ASPRV1: variants seen among roughly 807,000 people sequenced by gnomAD.
ASPRV1 encodes aspartic peptidase retroviral like 1.
A neutral mutation model predicts 11.0 loss-of-function variants in ASPRV1; 7 were observed. The ratio of observed to expected loss-of-function variants is 0.64; its 90% CI spans 0.36 to 1.20. The LOEUF is 1.20. Ranked by LOEUF, ASPRV1 falls within the 50% of genes most tolerant of loss-of-function variation. ASPRV1 has a pLI of 0.02. For missense variants in ASPRV1, 299 were observed against 320.0 expected (o/e 0.93, Z 0.50); for synonymous variants, 136 against 138.4 (o/e 0.98, Z 0.12).
At chr2:70,057,780 G>C in the ASPRV1 span, among the ~76,000 whole-genome samples, 1 of 151,352 alleles carries the variant, frequency 6.6e-6, no homozygotes, top group Non-Finnish European at 1.5e-5. Flanking sequence ...CGCCCAGCCA[G>C]TAAAACGATT....
chr2:70,006,887 G>T, the ASPRV1 span, among the ~76,000 whole-genome samples: 1 of 152,272 alleles, frequency 6.6e-6, no homozygotes, highest in African/African-American at 2.4e-5. Context: ...GTCTACAGAG[G>T]GGCTGTGGCA....
chr2:70,043,436 G>C, the ASPRV1 span, among the ~76,000 whole-genome samples: 3 of 151,438 alleles, frequency 2.0e-5, no homozygotes, highest in Non-Finnish European at 4.4e-5. Context: ...AAAAAAAAAA[G>C]TTGTATGTCT....
the ASPRV1 span, chr2:69,937,064 C>T: frequency 1.2e-6 from 1 of 856,834 alleles, no homozygotes; most frequent in Admixed American, 1.8e-5. Flanking sequence ...CAGACGAAGC[C>T]AGGAGTCACT....
chr2:70,034,628 T>C, the ASPRV1 span, among the ~76,000 whole-genome samples: 1 of 151,776 alleles, frequency 6.6e-6, no homozygotes, highest in East Asian at 1.9e-4. Flanking sequence ...GTCCAATACT[T>C]AAAGAACCTG....
chr2:70,011,694 C>T, the ASPRV1 span: 1 of 152,388 alleles, frequency 6.6e-6, no homozygotes, highest in South Asian at 2.1e-4. Flanking sequence ...GGTGGAACCA[C>T]AAAACTGGAG....
the ASPRV1 span, among the ~76,000 whole-genome samples, chr2:70,052,095 G>C: frequency 6.6e-6 from 1 of 152,064 alleles, no homozygotes; most frequent in East Asian, 1.9e-4. Flanking sequence ...TATTCTAATG[G>C]AGGGAAGTTA....
the ASPRV1 span, among the ~76,000 whole-genome samples, chr2:70,060,494 G>A: frequency 1.3e-5 from 2 of 152,152 alleles, no homozygotes; most frequent in Non-Finnish European, 2.9e-5. Flanking sequence ...TCTGGCAAAG[G>A]CAACAATACA....
chr2:69,999,008 G>A, the ASPRV1 span, among the ~76,000 whole-genome samples: 3,704 of 152,276 alleles, frequency 0.024, 345 homozygotes, highest in Admixed American at 0.17. Flanking sequence ...CAGGGACTGG[G>A]GGCTGCCCCA....
the ASPRV1 span, among the ~76,000 whole-genome samples, chr2:70,085,333 G>A: frequency 2.0e-5 from 3 of 152,126 alleles, no homozygotes; most frequent in African/African-American, 7.2e-5. Context: ...ATCCTCACCA[G>A]ACACTGCATA....
the ASPRV1 span, chr2:70,050,875 C>G: frequency 2.6e-5 from 4 of 151,698 alleles, no homozygotes; most frequent in Admixed American, 1.3e-4. Context: ...CCCAAGAGTT[C>G]AAGGCTACAG....
the ASPRV1 span, among the ~76,000 whole-genome samples, chr2:70,026,140 GAA>G: frequency 6.6e-6 from 1 of 152,114 alleles, no homozygotes; most frequent in Non-Finnish European, 1.5e-5. Flanking sequence ...CTAACATGGT[GAA>G]ACCTTGTCTC....
At chr2:69,963,528 A>G (rs1042214483), upstream of ASPRV1, 2 of 442,656 alleles carry the variant, frequency 4.5e-6, no homozygotes, top group African/African-American at 4.0e-5. Flanking sequence ...TGAGGAGGTT[A>G]GCATGCGACC....
the ASPRV1 span, among the ~76,000 whole-genome samples, chr2:69,936,113 T>C: frequency 6.6e-6 from 1 of 151,936 alleles, no homozygotes; most frequent in African/African-American, 2.4e-5. Flanking sequence ...TGGTACACTT[T>C]CCTCTCTCTT....
the ASPRV1 span, among the ~76,000 whole-genome samples, chr2:69,999,480 C>T: frequency 6.6e-6 from 1 of 151,764 alleles, no homozygotes; most frequent in African/African-American, 2.4e-5. Flanking sequence ...ATGGTGAAAC[C>T]TAGTCTCTAC....
At chr2:70,079,206 G>C in the ASPRV1 span, among the ~76,000 whole-genome samples, 2 of 152,054 alleles carry the variant, frequency 1.3e-5, no homozygotes, top group African/African-American at 4.8e-5. Context: ...TTCAGGGAAA[G>C]ACATTCAAGC....
the ASPRV1 span, among the ~76,000 whole-genome samples, chr2:70,020,805 A>C: frequency 6.6e-6 from 1 of 152,136 alleles, no homozygotes; most frequent in African/African-American, 2.4e-5. Flanking sequence ...TGGGGTGCCT[A>C]ATCAGATGCA....
rs1572875455 is a variant in ASPRV1 at position 69,960,564 on chromosome 2, C to T, written c.*93G>A. ...GAGCAAGAGTTGATAAGCAGACTGG[C>T]CAAGCCCAGTGACCCCCATGAGGAT... On this transcript the variant is annotated 3_prime_UTR_variant, in exon 1 of 1. Coordinates refer to ENST00000320256, the MANE Select transcript of ASPRV1 (RefSeq NM_152792.4). 1 of 1,346,246 alleles carries T rather than the reference C, an allele frequency of 7.4e-7. No individual in the cohort carries two copies. Among genetic ancestry groups the T allele is most frequent in the South Asian group, 1.3e-5 (1 of 74,598 alleles). 83.4% of individuals were successfully genotyped at this position (1,346,246 alleles called of 1,614,324 possible).
chr2:69,939,555 C>T, the ASPRV1 span: 1 of 152,518 alleles, frequency 6.6e-6, no homozygotes, highest in Non-Finnish European at 1.5e-5. Flanking sequence ...TAATGGAAAA[C>T]AAATTCTTAT....
chr2:69,958,232 C>T (rs902592205), downstream of ASPRV1, among the ~76,000 whole-genome samples: 3 of 152,142 alleles, frequency 2.0e-5, no homozygotes, highest in Non-Finnish European at 2.9e-5. Flanking sequence ...CAGCCTCACT[C>T]GGGTCTCCCA....
Sources: gnomAD v4.1 joint callset for allele counts (sites outside exome capture counted in the v4.1 genomes callset) on GRCh38, gnomAD v4.1.1 for gene constraint, MANE v1.5 for transcripts, NCBI Gene and HGNC (gene_info 2026-07-23, HGNC 2026-07-21) for gene names.